The following SCPPPQ1 variants were observed in gnomAD, a reference collection of about 807,000 sequenced individuals.
SCPPPQ1 encodes the protein secretory calcium-binding phosphoprotein proline- and glutamine-rich 1.
the SCPPPQ1 span, among the ~76,000 whole-genome samples, chr4:87,468,586 T>C: frequency 6.6e-6 from 1 of 152,200 alleles, no homozygotes; most frequent in Admixed American, 6.5e-5. Flanking sequence ...GTGAAGTTAA[T>C]GATGTTCTGG....
chr4:87,470,797 G>C, the SCPPPQ1 span, among the ~76,000 whole-genome samples: 1 of 152,048 alleles, frequency 6.6e-6, no homozygotes, highest in East Asian at 1.9e-4. Flanking sequence ...TTCAATCTTA[G>C]TGCTACTTTG....
At chr4:87,464,916 T>C in the SCPPPQ1 span, among the ~76,000 whole-genome samples, 14,654 of 152,264 alleles carry the variant, frequency 0.096, 778 homozygotes, top group Non-Finnish European at 0.12. Flanking sequence ...TTTTGTATGA[T>C]ACTGAATCCG....
chr4:87,470,546 A>C, the SCPPPQ1 span, among the ~76,000 whole-genome samples: 3 of 151,948 alleles, frequency 2.0e-5, no homozygotes, highest in Non-Finnish European at 2.9e-5. Context: ...AAAGGAAATC[A>C]ACTGGCCTTT....
the SCPPPQ1 span, among the ~76,000 whole-genome samples, chr4:87,465,166 G>C: frequency 6.6e-6 from 1 of 152,068 alleles, no homozygotes; most frequent in Non-Finnish European, 1.5e-5. Flanking sequence ...AGAGGATAAG[G>C]GTCACAGGAG....
chr4:87,469,219 A>G, the SCPPPQ1 span, among the ~76,000 whole-genome samples: 3 of 152,326 alleles, frequency 2.0e-5, no homozygotes, highest in Admixed American at 2.0e-4. Context: ...GACCTGGGTC[A>G]CTGCAGAATA....
chr4:87,461,045 A>G, the SCPPPQ1 span: 1 of 152,662 alleles, frequency 6.6e-6, no homozygotes, highest in African/African-American at 2.4e-5. Flanking sequence ...TCTATCTGCT[A>G]TATCACTAGG....
the SCPPPQ1 span, chr4:87,460,951 A>T: frequency 6.6e-6 from 1 of 152,564 alleles, no homozygotes; most frequent in African/African-American, 2.4e-5. Flanking sequence ...AGAAGTAGAT[A>T]CTCTTCTGAT....
the SCPPPQ1 span, among the ~76,000 whole-genome samples, chr4:87,469,444 CAA>C: frequency 4.7e-4 from 72 of 152,290 alleles, no homozygotes; most frequent in African/African-American, 1.6e-3. Context: ...CTTGGACTGA[CAA>C]AGAGTGGTGA....
chr4:87,462,739 T>C, the SCPPPQ1 span, among the ~76,000 whole-genome samples: 22 of 152,154 alleles, frequency 1.4e-4, no homozygotes, highest in African/African-American at 4.6e-4. Context: ...GGCTCACGCC[T>C]GTAATCCCAG....
At chr4:87,469,706 G>C in the SCPPPQ1 span, among the ~76,000 whole-genome samples, 1 of 152,100 alleles carries the variant, frequency 6.6e-6, no homozygotes, top group Non-Finnish European at 1.5e-5. Context: ...TTTTTTCTAT[G>C]TAAGTCCTAT....
At chr4:87,467,566 C>G in the SCPPPQ1 span, among the ~76,000 whole-genome samples, 1 of 152,270 alleles carries the variant, frequency 6.6e-6, no homozygotes, top group South Asian at 2.1e-4. Flanking sequence ...TAATTCAGCA[C>G]AAACACCTTT....
At chr4:87,466,119 C>T in the SCPPPQ1 span, among the ~76,000 whole-genome samples, 2 of 152,066 alleles carry the variant, frequency 1.3e-5, no homozygotes, top group East Asian at 1.9e-4. Context: ...AGGGCACGGT[C>T]GCTCATGCCT....
At chr4:87,464,652 AC>A in the SCPPPQ1 span, among the ~76,000 whole-genome samples, 2 of 152,206 alleles carry the variant, frequency 1.3e-5, no homozygotes, top group Admixed American at 1.3e-4. Context: ...AGCCTGGGCA[AC>A]ATGGTGAAAC....
the SCPPPQ1 span, among the ~76,000 whole-genome samples, chr4:87,462,635 AT>A: frequency 6.6e-6 from 1 of 152,054 alleles, no homozygotes; most frequent in Non-Finnish European, 1.5e-5. Context: ...AGATCAGTCC[AT>A]TTCTAGGTGT....
At chr4:87,461,962 C>G in the SCPPPQ1 span, 1 of 152,144 alleles carries the variant, frequency 6.6e-6, no homozygotes, top group Non-Finnish European at 1.5e-5. Flanking sequence ...GGAGATTTTA[C>G]TAACCATACG....
chr4:87,465,559 C>CCAAAAAAAA, the SCPPPQ1 span, among the ~76,000 whole-genome samples: 1 of 98,310 alleles, frequency 1.0e-5, no homozygotes, highest in African/African-American at 4.4e-5. Flanking sequence ...TAGAAATCTA[C>CCAAAAAAAA]AAAAAAAAAA....
At chr4:87,461,786 A>G in the SCPPPQ1 span, among the ~76,000 whole-genome samples, 1 of 152,184 alleles carries the variant, frequency 6.6e-6, no homozygotes, top group African/African-American at 2.4e-5. Context: ...CTGGAGTTTT[A>G]ATAAACTGAC....
At chr4:87,466,090 G>A in the SCPPPQ1 span, among the ~76,000 whole-genome samples, 1 of 152,094 alleles carries the variant, frequency 6.6e-6, no homozygotes, top group East Asian at 1.9e-4. Context: ...TTTTGCATCA[G>A]TTTAAAATAA....
chr4:87,465,740 C>T, the SCPPPQ1 span, among the ~76,000 whole-genome samples: 209 of 152,182 alleles, frequency 1.4e-3, 1 homozygote, highest in African/African-American at 4.6e-3. Flanking sequence ...CAGTAAATGA[C>T]ACTTAGAGAG....
Sources: allele counts gnomAD v4.1 joint callset (sites outside exome capture counted in the v4.1 genomes callset), GRCh38; gene constraint gnomAD v4.1.1; transcripts MANE v1.5; gene names NCBI Gene and HGNC (gene_info 2026-07-23, HGNC 2026-07-21).